SHANK2: variants seen among roughly 807,000 people sequenced by gnomAD.
SHANK2 encodes SH3 and multiple ankyrin repeat domains protein 2.
In SHANK2, 43 loss-of-function variants were observed where a neutral mutation model predicts 133.7. That is an observed-to-expected ratio of 0.32 (90% CI 0.25 to 0.41). The LOEUF (loss-of-function observed/expected upper bound fraction) is 0.41. Among genes scored for constraint, SHANK2 ranks in the 10% least tolerant of loss-of-function variants. SHANK2 has a pLI of 1.00. For missense variants in SHANK2, 1,994 were observed against 2,235.8 expected (o/e 0.89, Z 2.18); for synonymous variants, 1,017 against 952.8 (o/e 1.07, Z -1.24).
chr11:71,131,790 A>C (rs1266839721), intron 3 of SHANK2, among the ~76,000 whole-genome samples: 8 of 152,234 alleles, frequency 5.3e-5, no homozygotes, highest in African/African-American at 1.9e-4. Flanking sequence ...CTGACTGCAG[A>C]CACAAAACAC....
Position 70,468,396 on chromosome 11 carries a change from A to C in SHANK2, c.*4473T>G, listed in dbSNP as rs547259470. ...CGGAAGTCTGAGAAACAAGTTTGGA[A>C]ATTCTCTGATTCCCCACAAAGCACG... On this transcript the variant is annotated 3_prime_UTR_variant, in exon 26 of 26. Transcript: ENST00000601538. 77 of 152,334 alleles carry C rather than the reference A, an allele frequency of 5.1e-4. No homozygotes were observed. The highest frequency in any genetic ancestry group is 1.7e-3 in the African/African-American group (69 of 41,572). The allele number at this position is 152,334 out of a possible 1,614,324, so 9.4% of individuals were successfully genotyped here.
intron 2 of SHANK2, among the ~76,000 whole-genome samples, chr11:71,186,189 G>A (rs1953668120): frequency 6.6e-6 from 1 of 152,228 alleles, no homozygotes. Context: ...AAACCTGTCA[G>A]AAAGCACATG....
At chr11:70,723,985 C>T (rs1443551171) in intron 14 of SHANK2, among the ~76,000 whole-genome samples, 3 of 151,902 alleles carry the variant, frequency 2.0e-5, no homozygotes, top group Admixed American at 6.5e-5. Context: ...AAAAAAATCC[C>T]GCATCAAACC....
intron 11 of SHANK2, among the ~76,000 whole-genome samples, chr11:70,886,361 G>C (rs1555073495): frequency 1.3e-5 from 2 of 152,182 alleles, no homozygotes; most frequent in South Asian, 2.1e-4. Flanking sequence ...GACTTTCCTT[G>C]GGAGGGTTTA....
intron 17 of SHANK2, among the ~76,000 whole-genome samples, chr11:70,599,400 G>C (rs1348073624): frequency 5.4e-5 from 8 of 149,186 alleles, no homozygotes; most frequent in African/African-American, 2.0e-4. Flanking sequence ...GAGGTCAGGA[G>C]ATCGAGACCA....
At chr11:70,615,388 C>A (rs193192322) in intron 17 of SHANK2, among the ~76,000 whole-genome samples, 52 of 152,302 alleles carry the variant, frequency 3.4e-4, no homozygotes, top group African/African-American at 1.2e-3. Context: ...AAATGCAACA[C>A]CCCGAGAGAG....
chr11:71,164,337 G>A (rs1421173670), intron 2 of SHANK2, among the ~76,000 whole-genome samples: 25 of 152,346 alleles, frequency 1.6e-4, no homozygotes, highest in African/African-American at 5.5e-4. Flanking sequence ...TAGGCAGAGA[G>A]GCTTTGGCAT....
At chr11:71,222,478 G>A (rs889715644) in intron 2 of SHANK2, among the ~76,000 whole-genome samples, 1 of 152,188 alleles carries the variant, frequency 6.6e-6, no homozygotes, top group East Asian at 1.9e-4. Context: ...TCCCAGAGGA[G>A]CTAAGAAGGG....
At chr11:70,635,435 T>C (rs1435643003) in intron 17 of SHANK2, 1 of 151,996 alleles carries the variant, frequency 6.6e-6, no homozygotes, top group African/African-American at 2.4e-5. Flanking sequence ...CTCGAAGGTA[T>C]TACACTGAGT....
At chr11:71,210,463 A>G (rs1954250273) in intron 2 of SHANK2, among the ~76,000 whole-genome samples, 1 of 151,248 alleles carries the variant, frequency 6.6e-6, no homozygotes, top group South Asian at 2.1e-4. Context: ...GTTAGCCAGG[A>G]TGGTCTCAAA....
At chr11:70,825,676 C>T (rs1948626370) in intron 11 of SHANK2, among the ~76,000 whole-genome samples, 1 of 152,146 alleles carries the variant, frequency 6.6e-6, no homozygotes, top group Admixed American at 6.5e-5. Context: ...GAAGTACCTT[C>T]CTCATTTCTC....
At chr11:70,759,886 G>A (rs1222145437) in intron 14 of SHANK2, among the ~76,000 whole-genome samples, 1 of 152,198 alleles carries the variant, frequency 6.6e-6, no homozygotes, top group Non-Finnish European at 1.5e-5. Context: ...GATTTCAGTA[G>A]CTTTCTCTTG....
chr11:70,622,327 C>A (rs570388981), intron 17 of SHANK2, among the ~76,000 whole-genome samples: 1 of 152,134 alleles, frequency 6.6e-6, no homozygotes, highest in Non-Finnish European at 1.5e-5. Flanking sequence ...CCCCCGCCCC[C>A]ACCTGTGCTG....
At chr11:70,798,330 A>G in intron 14 of SHANK2, 113 bp downstream of exon 14, 1 of 683,804 alleles carries the variant, frequency 1.5e-6, no homozygotes, top group Non-Finnish European at 2.7e-6. Context: ...TGAATTCGCA[A>G]CTCAGCCTCC....
chr11:71,118,633 A>G (rs1167660260), intron 4 of SHANK2, among the ~76,000 whole-genome samples, 196 bp downstream of exon 4: 31 of 152,202 alleles, frequency 2.0e-4, no homozygotes, highest in Admixed American at 1.4e-3. Context: ...GGGGATTACA[A>G]TTAGAGGTGA....
chr11:70,900,215 G>A (rs554002848), intron 10 of SHANK2, among the ~76,000 whole-genome samples: 4 of 152,198 alleles, frequency 2.6e-5, no homozygotes, highest in East Asian at 3.9e-4. Flanking sequence ...TTAGCTGGGC[G>A]TGGTAGCATG....
At chr11:71,092,288 GA>G in intron 8 of SHANK2, 133 bp downstream of exon 8, 1 of 834,308 alleles carries the variant, frequency 1.2e-6, no homozygotes, top group Non-Finnish European at 1.9e-6. Context: ...ATATTTTCAG[GA>G]ACTCTGGGCA....
At chr11:71,084,647 A>T (rs1951353145) in intron 8 of SHANK2, among the ~76,000 whole-genome samples, 1 of 152,200 alleles carries the variant, frequency 6.6e-6, no homozygotes, top group African/African-American at 2.4e-5. Context: ...AGCCAGGCAC[A>T]GCCCAGTGAG....
rs557094736 is a variant in SHANK2 at position 70,471,393 on chromosome 11, G to T, written c.*1476C>A. 3.0e-5 allele frequency: 12 copies of T among 398,948 alleles called. No individual in the cohort carries two copies. The South Asian group carries it at 1.5e-3, about 51-fold the overall frequency. The allele number at this position is 398,948 out of a possible 1,614,324, so 24.7% of individuals were successfully genotyped here. ...GGGAGAATGTGCTGGAAGCCTGACT[G>T]TGTGTTTTGCGGCCCATGTGCATCT... On this transcript the variant is annotated 3_prime_UTR_variant, in exon 26 of 26. Transcript: ENST00000601538. The surrounding 1 kb of genome is among the most constrained non-coding windows in gnomAD (Gnocchi z 4.1).
Sources: allele counts gnomAD v4.1 joint callset (sites outside exome capture counted in the v4.1 genomes callset), GRCh38; gene constraint gnomAD v4.1.1; non-coding constraint Gnocchi (gnomAD v3.1); transcripts MANE v1.5; gene names NCBI Gene and HGNC (gene_info 2026-07-23, HGNC 2026-07-21).